FHIT: variants seen among roughly 807,000 people sequenced by gnomAD.
FHIT encodes bis(5'-adenosyl)-triphosphatase.
Under a neutral mutation model 17.9 loss-of-function variants are expected in FHIT, and 19 were observed. The observed-to-expected ratio is 1.06, with a 90% CI of 0.74 to 1.56. The LOEUF is 1.56. Ranked by LOEUF, FHIT falls within the 40% of genes most tolerant of loss-of-function variation. FHIT has a pLI of 0.00. For missense variants in FHIT, 248 were observed against 189.2 expected, an observed-to-expected ratio of 1.31 and a Z score of -1.82; for synonymous variants, 81 against 69.7, an observed-to-expected ratio of 1.16 and a Z score of -0.81.
chr3:59,965,979 C>T (rs56963766), intron 7 of FHIT, among the ~76,000 whole-genome samples: 1 of 151,974 alleles, frequency 6.6e-6, no homozygotes, highest in African/African-American at 2.4e-5. Flanking sequence ...CCTTTCTAGA[C>T]TGGATGAATA....
At chr3:61,028,580 CTT>C (rs1255348089) in intron 3 of FHIT, among the ~76,000 whole-genome samples, 1 of 152,194 alleles carries the variant, frequency 6.6e-6, no homozygotes, top group African/African-American at 2.4e-5. Context: ...AACCCAGACT[CTT>C]TCACTAACTG....
intron 7 of FHIT, among the ~76,000 whole-genome samples, chr3:59,981,656 CAG>C (rs1193120498): frequency 6.6e-6 from 1 of 152,108 alleles, no homozygotes; most frequent in African/African-American, 2.4e-5. Context: ...CACATTAACG[CAG>C]AGAGATGCCC....
At chr3:59,930,899 G>C (rs1705938533) in intron 7 of FHIT, among the ~76,000 whole-genome samples, 1 of 152,040 alleles carries the variant, frequency 6.6e-6, no homozygotes, top group Non-Finnish European at 1.5e-5. Flanking sequence ...ACCTTTCCCA[G>C]ATCTCAGAAA....
intron 4 of FHIT, among the ~76,000 whole-genome samples, chr3:60,600,316 A>T (rs2038401092): frequency 6.6e-6 from 1 of 150,912 alleles, no homozygotes; most frequent in Non-Finnish European, 1.5e-5. Context: ...AAGGAAGCCT[A>T]CTTGATTAAA....
chr3:59,931,695 A>G (rs1463490863), intron 7 of FHIT, among the ~76,000 whole-genome samples: 1 of 152,176 alleles, frequency 6.6e-6, no homozygotes, highest in African/African-American at 2.4e-5. Context: ...CAAAAAAAAT[A>G]AACAGAAAAC....
At chr3:60,664,173 G>A (rs150013778) in intron 4 of FHIT, among the ~76,000 whole-genome samples, 8 of 152,128 alleles carry the variant, frequency 5.3e-5, no homozygotes, top group Admixed American at 2.0e-4. Flanking sequence ...TTTGTCAGAC[G>A]CCTTTTTATA....
chr3:60,204,381 C>T (rs573663883), intron 5 of FHIT, among the ~76,000 whole-genome samples: 1 of 152,196 alleles, frequency 6.6e-6, no homozygotes, highest in East Asian at 1.9e-4. Flanking sequence ...GCGATCCTCC[C>T]ACCTCAGCCT....
At chr3:60,964,688 C>G (rs192229824) in intron 3 of FHIT, among the ~76,000 whole-genome samples, 1 of 152,138 alleles carries the variant, frequency 6.6e-6, no homozygotes, top group Non-Finnish European at 1.5e-5. Context: ...TCCTTCACTT[C>G]TGAAGCTTAG....
intron 4 of FHIT, among the ~76,000 whole-genome samples, chr3:60,818,897 A>G (rs1033762349): frequency 6.6e-5 from 10 of 152,252 alleles, no homozygotes; most frequent in African/African-American, 2.4e-4. Flanking sequence ...TTCTCACTCT[A>G]AAAGTTGTAA....
chr3:60,539,704 C>T (rs2036116850), intron 4 of FHIT, among the ~76,000 whole-genome samples: 1 of 152,082 alleles, frequency 6.6e-6, no homozygotes, highest in Non-Finnish European at 1.5e-5. Flanking sequence ...AAAAACCAAA[C>T]ACTGCATGTT....
chr3:61,219,329 G>C (rs1373629314), intron 1 of FHIT, among the ~76,000 whole-genome samples: 1 of 5,938 alleles, frequency 1.7e-4, no homozygotes, highest in Non-Finnish European at 3.8e-4. Flanking sequence ...ATCTAAAAAT[G>C]TGTGTGTGTG....
intron 3 of FHIT, among the ~76,000 whole-genome samples, chr3:61,016,868 A>T (rs989201250): frequency 1.3e-5 from 2 of 152,262 alleles, no homozygotes; most frequent in African/African-American, 4.8e-5. Flanking sequence ...ACAGGAACAC[A>T]GACAGAAATA....
intron 2 of FHIT, among the ~76,000 whole-genome samples, chr3:61,180,042 T>A (rs2038290378): frequency 6.6e-6 from 1 of 152,152 alleles, no homozygotes; most frequent in African/African-American, 2.4e-5. Context: ...AAAGATACAC[T>A]GAGAAAGAGG....
At chr3:60,984,642 A>C (rs933504546) in intron 3 of FHIT, among the ~76,000 whole-genome samples, 4 of 152,224 alleles carry the variant, frequency 2.6e-5, no homozygotes, top group African/African-American at 7.2e-5. Flanking sequence ...TAGAGTAGTA[A>C]GTTCCAAACT....
chr3:60,195,832 G>T (rs2107480045), intron 5 of FHIT, among the ~76,000 whole-genome samples: 1 of 131,740 alleles, frequency 7.6e-6, no homozygotes, highest in Non-Finnish European at 1.6e-5. Context: ...CTATGGATAT[G>T]CAAAGGCATA....
Position 60,553,735 on chromosome 3 carries a change from A to C in FHIT, c.-17-16756T>G, listed in dbSNP as rs1489792324. On this transcript the variant is annotated intron_variant, in intron 4 of 9. Coordinates refer to ENST00000492590, the MANE Select transcript of FHIT (RefSeq NM_002012.4). ...AAAATGATTCTTCCAAACCAAACAC[A>C]GGTGATGAATATCTAAAACACCAGC... is the stretch of plus-strand genomic sequence containing the variant. 3.9e-5 allele frequency among the ~76,000 whole-genome samples: 6 copies of C among 152,200 alleles called. No homozygotes were observed. In the South Asian group the frequency reaches 1.2e-3, roughly 32 times the overall value.
chr3:59,781,945 A>T (rs1366256268), intron 8 of FHIT, among the ~76,000 whole-genome samples: 1 of 152,196 alleles, frequency 6.6e-6, no homozygotes, highest in Non-Finnish European at 1.5e-5. Context: ...ATCATGACAT[A>T]TGCTCTAGAT....
At chr3:60,661,260 T>A (rs527674613) in intron 4 of FHIT, among the ~76,000 whole-genome samples, 1 of 152,236 alleles carries the variant, frequency 6.6e-6, no homozygotes, top group Admixed American at 6.5e-5. Flanking sequence ...TGCCTTTGCA[T>A]CCTCATAGCT....
intron 4 of FHIT, among the ~76,000 whole-genome samples, chr3:60,734,188 C>T (rs925319775): frequency 6.6e-6 from 1 of 152,082 alleles, no homozygotes; most frequent in Non-Finnish European, 1.5e-5. Flanking sequence ...GTGATCACAA[C>T]GTTCTTTTCT....
Sources: gnomAD v4.1 joint callset for allele counts (sites outside exome capture counted in the v4.1 genomes callset) on GRCh38, gnomAD v4.1.1 for gene constraint, MANE v1.5 for transcripts, NCBI Gene and HGNC (gene_info 2026-07-23, HGNC 2026-07-21) for gene names.